TDRD5: variants seen among roughly 807,000 people sequenced by gnomAD.
The protein encoded by TDRD5 is tudor domain containing 5.
In TDRD5, 41 loss-of-function variants were observed where a neutral mutation model predicts 120.6. The observed-to-expected ratio is 0.34, with a 90% CI of 0.26 to 0.44. TDRD5 has a LOEUF of 0.44. Ranked by LOEUF, TDRD5 falls within the 20% of genes least tolerant of loss-of-function variation. The probability of loss-of-function intolerance (pLI) is 1.00; values close to 1 mark genes in which losing one functional copy is unlikely to be tolerated. For synonymous variants in TDRD5, 430 were observed against 433.7 expected, an observed-to-expected ratio of 0.99 and a Z score of 0.11; for missense variants, 1,006 against 1,221.2, an observed-to-expected ratio of 0.82 and a Z score of 2.63.
At position 179,630,888 on chromosome 1, in the gene TDRD5, T is replaced by C. The variant is rs762406507; in HGVS notation, c.1094T>C (p.Val365Ala). ...EFRKGHQDLL[V>A]FDADKKPLPP... ...AGGAAAGGACACCAAGACTTACTAG[T>C]GTTTGATGCGGATAAGAAGCCTCTA... The change falls in exon 7 of 18, where the codon GTG becomes GCG. Residue 365 changes from valine (V) to alanine (A), a missense_variant. Val to Ala is a moderately conservative substitution (Grantham distance 64). Transcript: ENST00000444136. 3 of 1,613,626 alleles carry C rather than the reference T, an allele frequency of 1.9e-6. No homozygotes were observed. The highest frequency in any genetic ancestry group is 2.5e-6 in the Non-Finnish European group (3 of 1,179,738).
intron 16 of TDRD5, among the ~76,000 whole-genome samples, chr1:179,667,675 G>T (rs1558419009): frequency 6.6e-6 from 1 of 152,184 alleles, no homozygotes; most frequent in Non-Finnish European, 1.5e-5. Context: ...AAGTATACAT[G>T]TGAATTGCAT....
At chr1:179,640,607 A>T (rs1677992810) in intron 11 of TDRD5, among the ~76,000 whole-genome samples, 162 bp downstream of exon 11, 1 of 152,238 alleles carries the variant, frequency 6.6e-6, no homozygotes, top group African/African-American at 2.4e-5. Flanking sequence ...AAAAATTGTT[A>T]TGCCATATAA....
chr1:179,629,902 T>C (rs2101996922), intron 6 of TDRD5, among the ~76,000 whole-genome samples: 1 of 152,356 alleles, frequency 6.6e-6, no homozygotes, highest in South Asian at 2.1e-4. Flanking sequence ...GGTATGACTT[T>C]TCTTCTTTTC....
At chr1:179,631,851 A>ATTTTTTTTTTTTTTTTTTTT (rs745777571) in intron 7 of TDRD5, among the ~76,000 whole-genome samples, 1 of 74,370 alleles carries the variant, frequency 1.3e-5, no homozygotes, top group Non-Finnish European at 2.5e-5. Flanking sequence ...AGGGCACTTG[A>ATTTTTTTTTTTTTTTTTTTT]TTTTTTTTTT....
At position 179,595,740 on chromosome 1, in the gene TDRD5, A is replaced by G; in HGVS notation, c.753A>G (p.Gln251=). 17 of 1,613,996 alleles carry G rather than the reference A, an allele frequency of 1.1e-5. No individual in the cohort carries two copies. The highest frequency in any genetic ancestry group is 1.4e-5 in the Non-Finnish European group (16 of 1,179,902). ...CTTCAAACATGGAACCACCGAAGCA[A>G]ATAATGAGCATGGAAAAGACTTCCA... ...QPTSNMEPPK[Q]IMSMEKTSKL... The change falls in exon 4 of 18, where the codon CAA becomes CAG. Residue 251 remains glutamine (Q), a synonymous_variant. Coordinates refer to ENST00000444136, the MANE Select transcript of TDRD5 (RefSeq NM_001199085.3).
intron 6 of TDRD5, among the ~76,000 whole-genome samples, chr1:179,623,666 C>T (rs1392112828): frequency 1.6e-5 from 2 of 122,138 alleles, no homozygotes; most frequent in African/African-American, 6.0e-5. Context: ...GAGAGAGTCT[C>T]ACTGTCACCC....
intron 4 of TDRD5, among the ~76,000 whole-genome samples, chr1:179,617,056 C>T (rs1676597726): frequency 6.6e-6 from 1 of 152,080 alleles, no homozygotes; most frequent in Non-Finnish European, 1.5e-5. Flanking sequence ...ATGGCAACTA[C>T]AGAAGAAATG....
intron 17 of TDRD5, among the ~76,000 whole-genome samples, chr1:179,671,447 T>A (rs1679849151): frequency 6.6e-6 from 1 of 152,208 alleles, no homozygotes; most frequent in Non-Finnish European, 1.5e-5. Flanking sequence ...TTAACAATAT[T>A]AAGTCTATCC....
Position 179,677,622 on chromosome 1 carries a change from C to G in TDRD5, c.2860+8218C>G, listed in dbSNP as rs142651671. On this transcript the variant is annotated intron_variant, in intron 17 of 17. Coordinates refer to ENST00000444136, the MANE Select transcript of TDRD5 (RefSeq NM_001199085.3). ...CTGAACTGTGGTGATTGTTTTTGCTCTTCTGGGTTTAGCCAGTAAGTGGAG... is the reference window on the plus strand; with the variant it reads ...CTGAACTGTGGTGATTGTTTTTGCTGTTCTGGGTTTAGCCAGTAAGTGGAG... Among the ~76,000 whole-genome samples, 478 of 152,228 alleles carry G rather than the reference C, an allele frequency of 3.1e-3. 1 individual carries two copies. Among genetic ancestry groups the G allele is most frequent in the Non-Finnish European group, 5.9e-3 (404 of 68,012 alleles).
chr1:179,645,846 C>T (rs1008460985), intron 11 of TDRD5, among the ~76,000 whole-genome samples: 12 of 151,480 alleles, frequency 7.9e-5, no homozygotes, highest in African/African-American at 2.9e-4. Flanking sequence ...TTTATTTCTA[C>T]TAATGCAAAA....
At chr1:179,666,518 CA>C (rs992372953) in intron 16 of TDRD5, among the ~76,000 whole-genome samples, 2 of 152,184 alleles carry the variant, frequency 1.3e-5, no homozygotes, top group African/African-American at 4.8e-5. Flanking sequence ...CTTCTTGAAA[CA>C]TAATCTTCCT....
chr1:179,618,779 A>G, intron 5 of TDRD5, 97 bp downstream of exon 5: 1 of 825,910 alleles, frequency 1.2e-6, no homozygotes, highest in East Asian at 3.1e-5. Flanking sequence ...ATTTACATCT[A>G]ATCTTTAATA....
At chr1:179,619,231 GGT>G (rs1034056530) in intron 5 of TDRD5, among the ~76,000 whole-genome samples, 8 of 152,092 alleles carry the variant, frequency 5.3e-5, no homozygotes, top group African/African-American at 1.9e-4. Context: ...CCCACTGACA[GGT>G]GTTACTATCC....
In TDRD5 at chr1:179,593,464, T is replaced by G. The variant is rs773462143; in HGVS notation, c.237T>G (p.Ile79Met). The change falls in exon 3 of 18, where the codon ATT becomes ATG. Residue 79 changes from isoleucine (I) to methionine (M), a missense_variant. Coordinates refer to ENST00000444136, the MANE Select transcript of TDRD5 (RefSeq NM_001199085.3). ...GAGGTVILKA[I>M]PDESTKGIAS... Reference sequence around the variant, plus strand: ...TTTCTATTTTTCACGTCTCAGCCATTCCAGATGAATCTACCAAAGGAATAG... The same window carrying G: ...TTTCTATTTTTCACGTCTCAGCCATGCCAGATGAATCTACCAAAGGAATAG... The G allele has an allele frequency of 6.2e-7, 1 of 1,611,868 alleles. No individual in the cohort carries two copies. Among genetic ancestry groups the G allele is most frequent in the South Asian group, 1.1e-5 (1 of 90,986 alleles).
intron 6 of TDRD5, among the ~76,000 whole-genome samples, chr1:179,622,797 A>G (rs369257196): frequency 1.3e-5 from 2 of 152,326 alleles, no homozygotes; most frequent in Admixed American, 6.5e-5. Context: ...ATCTATTAAT[A>G]TAATTGGAGC....
At chr1:179,665,042 G>T (rs1679493934) in intron 16 of TDRD5, among the ~76,000 whole-genome samples, 1 of 152,072 alleles carries the variant, frequency 6.6e-6, no homozygotes, top group Non-Finnish European at 1.5e-5. Context: ...GATGTTGGGT[G>T]TCTTTTCATG....
chr1:179,676,141 G>C (rs1680135497), intron 17 of TDRD5, among the ~76,000 whole-genome samples: 3 of 152,122 alleles, frequency 2.0e-5, no homozygotes, highest in Non-Finnish European at 4.4e-5. Flanking sequence ...CTGCTTTAAA[G>C]TTTATTTTGT....
chr1:179,672,409 ATCT>A (rs1472415327), intron 17 of TDRD5, among the ~76,000 whole-genome samples: 3 of 152,054 alleles, frequency 2.0e-5, no homozygotes, highest in Non-Finnish European at 4.4e-5. Context: ...CCATTTGTAT[ATCT>A]TCTTTTGGGA....
At chr1:179,680,918 A>G (rs780987150) in intron 17 of TDRD5, among the ~76,000 whole-genome samples, 3 of 152,250 alleles carry the variant, frequency 2.0e-5, no homozygotes, top group Non-Finnish European at 2.9e-5. Context: ...CATATGACCA[A>G]ATGGACAAAC....
Sources: allele counts gnomAD v4.1 joint callset (sites outside exome capture counted in the v4.1 genomes callset), GRCh38; gene constraint gnomAD v4.1.1; transcripts MANE v1.5; gene names NCBI Gene and HGNC (gene_info 2026-07-23, HGNC 2026-07-21).